SORCS1: variants seen among roughly 807,000 people sequenced by gnomAD.
SORCS1 encodes VPS10 domain-containing receptor SorCS1.
SORCS1 carries 60 observed loss-of-function variants against 146.1 expected under a neutral mutation model. That is an observed-to-expected ratio of 0.41 (90% confidence interval 0.33 to 0.51). The LOEUF is 0.51. Ranked by LOEUF, SORCS1 falls within the 20% of genes least tolerant of loss-of-function variation. SORCS1 has a pLI of 0.21. For synonymous variants in SORCS1, 637 were observed against 584.0 expected (o/e 1.09, Z -1.31); for missense variants, 1,352 against 1,487.6 (o/e 0.91, Z 1.50).
At chr10:106,878,097 A>T (rs1950660533) in intron 2 of SORCS1, among the ~76,000 whole-genome samples, 2 of 152,016 alleles carry the variant, frequency 1.3e-5, no homozygotes, top group Non-Finnish European at 2.9e-5. Flanking sequence ...GTCATACCAT[A>T]CATGACTTCA....
chr10:106,624,345 G>A (rs112764807), intron 19 of SORCS1, among the ~76,000 whole-genome samples: 4 of 108,902 alleles, frequency 3.7e-5, no homozygotes, highest in African/African-American at 1.3e-4. Context: ...GGTCAATGAC[G>A]ATTTTTTTTT....
At chr10:107,091,162 A>G (rs1745004166) in intron 1 of SORCS1, among the ~76,000 whole-genome samples, 1 of 152,234 alleles carries the variant, frequency 6.6e-6, no homozygotes, top group African/African-American at 2.4e-5. Flanking sequence ...AAATCTCATC[A>G]CGCAGCTGCT....
intron 1 of SORCS1, among the ~76,000 whole-genome samples, chr10:107,056,735 C>T (rs1018930102): frequency 2.0e-5 from 3 of 152,184 alleles, no homozygotes; most frequent in African/African-American, 7.2e-5. Context: ...AATGGTAAAA[C>T]GTGTTCTCTG....
chr10:106,930,709 A>T lies in SORCS1; in HGVS notation c.626+25804T>A, dbSNP rs1339320415. Among the ~76,000 whole-genome samples, 68 of 152,136 alleles carry T rather than the reference A, an allele frequency of 4.5e-4. 2 individuals carry two copies. Among genetic ancestry groups the T allele is most frequent in the Non-Finnish European group, 2.9e-5 (2 of 68,028 alleles). Reference sequence around the variant, plus strand: ...TTTCTTCAGAATTTGGAAAGATATGATGGTTCTTAGGAGTCAGAACTTTTT... The same window carrying T: ...TTTCTTCAGAATTTGGAAAGATATGTTGGTTCTTAGGAGTCAGAACTTTTT... On this transcript the variant is annotated intron_variant, in intron 2 of 25. Coordinates refer to ENST00000263054, the MANE Select transcript of SORCS1 (RefSeq NM_052918.5).
intron 1 of SORCS1, among the ~76,000 whole-genome samples, chr10:107,115,559 A>C (rs1783821904): frequency 6.6e-6 from 1 of 152,094 alleles, no homozygotes; most frequent in African/African-American, 2.4e-5. Context: ...ACGCAGAAAA[A>C]TTAAATTCTT....
chr10:106,954,188 G>GTT (rs974677484), intron 2 of SORCS1, among the ~76,000 whole-genome samples: 7 of 152,156 alleles, frequency 4.6e-5, no homozygotes, highest in Non-Finnish European at 8.8e-5. Flanking sequence ...TTATGACTGC[G>GTT]TAAGCCTCTG....
intron 2 of SORCS1, among the ~76,000 whole-genome samples, chr10:106,882,468 C>T (rs1950843214): frequency 6.6e-6 from 1 of 152,218 alleles, no homozygotes; most frequent in Middle Eastern, 3.4e-3. Flanking sequence ...GTCTCATTTG[C>T]AATTTTTCAA....
intron 5 of SORCS1, among the ~76,000 whole-genome samples, chr10:106,750,728 C>CAAAAAAAAAAAAA (rs572295853): frequency 2.5e-4 from 6 of 24,028 alleles, no homozygotes; most frequent in Non-Finnish European, 3.7e-4. Flanking sequence ...GACTCCCTCT[C>CAAAAAAAAAAAAA]AAAAAAAAAA....
chr10:107,065,621 G>A (rs748431385), intron 1 of SORCS1, among the ~76,000 whole-genome samples: 2 of 151,106 alleles, frequency 1.3e-5, no homozygotes, highest in Non-Finnish European at 2.9e-5. Context: ...GGGCTCAAGC[G>A]ATCCTCCCAC....
intron 2 of SORCS1, among the ~76,000 whole-genome samples, chr10:106,902,419 A>G (rs1951745104): frequency 6.6e-6 from 1 of 152,206 alleles, no homozygotes; most frequent in Admixed American, 6.5e-5. Flanking sequence ...CCATTAAGAC[A>G]AGAAAAAGAA....
At chr10:106,807,532 T>C (rs1418201777) in intron 3 of SORCS1, among the ~76,000 whole-genome samples, 3 of 152,150 alleles carry the variant, frequency 2.0e-5, no homozygotes, top group African/African-American at 7.2e-5. Context: ...CTGGCTGTGG[T>C]TTTGCAGGTT....
chr10:107,092,882 T>G lies in SORCS1; in HGVS notation c.558+71087A>C, dbSNP rs935612378. Among the ~76,000 whole-genome samples, 72 of 28,748 alleles carry G rather than the reference T, an allele frequency of 2.5e-3. 4 individuals carry two copies. The allele number at this position is 28,748 out of a possible 152,430, so 18.9% of individuals were successfully genotyped here. A position where few individuals can be genotyped will look rare whatever the true frequency, so the allele number is the denominator to read the frequency against. ...AGGTTCACGGGCTAAAAGAAGACCA[T>G]GAAAAAAAAAAAAAAAAAAAAAAAC... On this transcript the variant is annotated intron_variant, in intron 1 of 25. Coordinates refer to ENST00000263054, the MANE Select transcript of SORCS1 (RefSeq NM_052918.5).
intron 1 of SORCS1, among the ~76,000 whole-genome samples, chr10:107,025,834 C>T (rs909277337): frequency 2.6e-5 from 4 of 152,166 alleles, no homozygotes; most frequent in Non-Finnish European, 5.9e-5. Flanking sequence ...CATCTGACAA[C>T]GGCAGTCAGC....
chr10:106,665,115 T>C (rs1851031544), intron 17 of SORCS1, among the ~76,000 whole-genome samples: 1 of 152,134 alleles, frequency 6.6e-6, no homozygotes, highest in Admixed American at 6.6e-5. Flanking sequence ...ACATCAGAAA[T>C]AGGAATCATT....
rs549291218 is a variant in SORCS1, at chr10:106,658,055, G to A, written c.2304-5502C>T. ...ATAAAAGTGACGTTCTTATTGCCAA[G>A]GTCGTCTTAAGATGAAATCCAATTA... On this transcript the variant is annotated intron_variant, in intron 17 of 25. Coordinates refer to ENST00000263054, the MANE Select transcript of SORCS1 (RefSeq NM_052918.5). Among the ~76,000 whole-genome samples the A allele has an allele frequency of 3.3e-5, 5 of 152,132 alleles. No homozygotes were observed. The South Asian group carries it at 1.0e-3, about 32-fold the overall frequency.
chr10:106,629,267 C>G lies in SORCS1; in HGVS notation c.2597G>C (p.Arg866Pro), dbSNP rs767926672. Residue 866 changes from arginine (R) to proline (P), a missense_variant, in exon 19 of 26, where the codon CGT becomes CCT. This residue lies in a region of SORCS1 where 648 missense variants were observed against 793.8 expected (regional missense o/e 0.82). Coordinates refer to ENST00000263054, the MANE Select transcript of SORCS1 (RefSeq NM_052918.5). The part of the protein sequence containing the change: ...KHVYQNVGIF[R>P]VTVQVDNSLG... ...ACTGTTGTCCACCTGCACGGTCACACGGAAAATGCCCACGTTCTGATAGAC... is the reference window on the plus strand; with the variant it reads ...ACTGTTGTCCACCTGCACGGTCACAGGGAAAATGCCCACGTTCTGATAGAC... 6.2e-7 allele frequency: 1 copy of G among 1,614,052 alleles called. No individual in the cohort carries two copies. Among genetic ancestry groups the G allele is most frequent in the Non-Finnish European group, 8.5e-7 (1 of 1,179,978 alleles).
chr10:107,123,392 T>C (rs1966515906), intron 1 of SORCS1, among the ~76,000 whole-genome samples: 1 of 152,198 alleles, frequency 6.6e-6, no homozygotes, highest in African/African-American at 2.4e-5. Context: ...ATGTTAATTC[T>C]TGAAAGTAAG....
In SORCS1 at chr10:107,152,770, T is replaced by G. The variant is rs576792081; in HGVS notation, c.558+11199A>C. ...CCTCTTTCCTTTAAAAATCACCCAG[T>G]CATGGGTATGTCTTTATTAGCAGCA... On this transcript the variant is annotated intron_variant, in intron 1 of 25. Transcript: ENST00000263054. Among the ~76,000 whole-genome samples the G allele has an allele frequency of 1.6e-3, 247 of 152,320 alleles. 1 individual carries two copies. Among genetic ancestry groups the G allele is most frequent in the African/African-American group, 5.7e-3 (237 of 41,576 alleles).
rs1468918173 is a variant in SORCS1, at chr10:106,722,148, C to CACACACACAT, written c.1024+7901_1024+7902insATGTGTGTGT. Among the ~76,000 whole-genome samples the CACACACACAT allele has an allele frequency of 7.7e-4, 115 of 148,648 alleles. 1 individual carries two copies. Among genetic ancestry groups the CACACACACAT allele is most frequent in the Admixed American group, 4.0e-3 (59 of 14,892 alleles). ...ACACACACACACACACACACACACACATATATATATAACAATAAAAAGATA... is the reference window on the plus strand; with the variant it reads ...ACACACACACACACACACACACACACACACACACATATATATATATAACAATAAAAAGATA... On this transcript the variant is annotated intron_variant, in intron 6 of 25. Coordinates refer to ENST00000263054, the MANE Select transcript of SORCS1 (RefSeq NM_052918.5).
Sources: allele counts gnomAD v4.1 joint callset (sites outside exome capture counted in the v4.1 genomes callset), GRCh38; gene constraint gnomAD v4.1.1; regional missense constraint gnomAD v4.1.1; transcripts MANE v1.5; gene names NCBI Gene and HGNC (gene_info 2026-07-23, HGNC 2026-07-21).